The following PLXDC2 variants were observed in gnomAD, a reference collection of about 807,000 sequenced individuals.
PLXDC2 encodes plexin domain containing 2, also known as plexin domain-containing protein 2.
Under a neutral mutation model 68.9 loss-of-function variants are expected in PLXDC2, and 40 were observed. The observed-to-expected ratio is 0.58, with a 90% CI of 0.45 to 0.76. The LOEUF is 0.76. Among genes scored for constraint, PLXDC2 ranks in the 30% least tolerant of loss-of-function variants. PLXDC2 has a pLI of 0.00. For synonymous variants in PLXDC2, 243 were observed against 234.2 expected (o/e 1.04, Z -0.34); for missense variants, 644 against 661.9 (o/e 0.97, Z 0.30).
intron 1 of PLXDC2, among the ~76,000 whole-genome samples, chr10:19,989,839 C>G (rs1202534614): frequency 2.0e-5 from 3 of 150,974 alleles, no homozygotes; most frequent in Admixed American, 2.0e-4. Flanking sequence ...AACCTCCATC[C>G]CCTGGGTTTA....
chr10:20,143,453 T>C (rs1564331331), intron 5 of PLXDC2, 36 bp downstream of exon 5: 3 of 1,609,280 alleles, frequency 1.9e-6, no homozygotes, highest in Non-Finnish European at 1.7e-6. Flanking sequence ...GCTGCATGTA[T>C]ATTTTTAAAC....
chr10:20,177,590 A>T (rs10764210), intron 9 of PLXDC2, among the ~76,000 whole-genome samples, 181 bp downstream of exon 9: 2 of 151,940 alleles, frequency 1.3e-5, no homozygotes, highest in Admixed American at 1.3e-4. Context: ...CATAGCAAGA[A>T]CCTGTTTCTA....
At chr10:20,148,050 T>C in intron 6 of PLXDC2, 148 bp downstream of exon 6, 1 of 625,194 alleles carries the variant, frequency 1.6e-6, no homozygotes, top group East Asian at 2.8e-5. Flanking sequence ...AAAAATGTTT[T>C]GATTAGTTTT....
At chr10:20,229,815 G>A (rs1835336681) in intron 12 of PLXDC2, among the ~76,000 whole-genome samples, 1 of 152,106 alleles carries the variant, frequency 6.6e-6, no homozygotes, top group African/African-American at 2.4e-5. Flanking sequence ...AGTTTTGTAA[G>A]CTACTGTGAC....
intron 4 of PLXDC2, among the ~76,000 whole-genome samples, chr10:20,120,286 A>T (rs1419174740): frequency 1.3e-5 from 2 of 152,202 alleles, no homozygotes; most frequent in African/African-American, 4.8e-5. Flanking sequence ...CATTCTGAGG[A>T]CAGGTCTGAC....
chr10:20,245,138 G>A (rs1835571858), intron 12 of PLXDC2, among the ~76,000 whole-genome samples: 2 of 152,082 alleles, frequency 1.3e-5, no homozygotes, highest in Admixed American at 1.3e-4. Flanking sequence ...AAAACACAGT[G>A]ATAAATGTAT....
chr10:19,930,269 G>GTT (rs538477768), intron 1 of PLXDC2, among the ~76,000 whole-genome samples: 19 of 152,234 alleles, frequency 1.2e-4, no homozygotes, highest in African/African-American at 4.6e-4. Flanking sequence ...GGAAACAGTA[G>GTT]AACTTCAGTA....
At chr10:20,046,621 A>G (rs1223704999) in intron 2 of PLXDC2, among the ~76,000 whole-genome samples, 1 of 152,110 alleles carries the variant, frequency 6.6e-6, no homozygotes, top group Non-Finnish European at 1.5e-5. Flanking sequence ...AATGAACTAG[A>G]CAAAATTCAC....
intron 4 of PLXDC2, among the ~76,000 whole-genome samples, chr10:20,094,465 T>A (rs759961397): frequency 1.3e-5 from 2 of 152,200 alleles, no homozygotes; most frequent in Non-Finnish European, 2.9e-5. Flanking sequence ...CTCTCTGGAA[T>A]TGTGCTCTCG....
chr10:20,031,986 A>AT (rs1345348336), intron 2 of PLXDC2, among the ~76,000 whole-genome samples: 1 of 151,804 alleles, frequency 6.6e-6, no homozygotes, highest in Non-Finnish European at 1.5e-5. Flanking sequence ...CGTCCAGCTA[A>AT]TTTTTTGTAT....
At chr10:19,966,896 G>T (rs1377778264) in intron 1 of PLXDC2, among the ~76,000 whole-genome samples, 1 of 152,162 alleles carries the variant, frequency 6.6e-6, no homozygotes, top group Non-Finnish European at 1.5e-5. Context: ...GGGCTCCCAG[G>T]ACCTAGCAGT....
At chr10:19,917,308 A>G (rs572601861) in intron 1 of PLXDC2, among the ~76,000 whole-genome samples, 2 of 152,242 alleles carry the variant, frequency 1.3e-5, no homozygotes, top group East Asian at 3.9e-4. Flanking sequence ...CATTAAGGAT[A>G]TTTTATGTTC....
At chr10:20,269,930 A>C (rs543459735) in intron 13 of PLXDC2, among the ~76,000 whole-genome samples, 1 of 152,218 alleles carries the variant, frequency 6.6e-6, no homozygotes, top group Non-Finnish European at 1.5e-5. Flanking sequence ...AGGCAGGAGA[A>C]TCTCTTGAAC....
intron 12 of PLXDC2, among the ~76,000 whole-genome samples, chr10:20,227,457 G>A (rs916353387): frequency 3.3e-5 from 5 of 152,116 alleles, no homozygotes; most frequent in African/African-American, 9.7e-5. Context: ...GAAGGGGATT[G>A]ACATAGAAAG....
intron 4 of PLXDC2, 140 bp from the exon 5 acceptor site, chr10:20,143,155 A>C: frequency 4.7e-6 from 4 of 856,508 alleles, no homozygotes; most frequent in Non-Finnish European, 6.8e-6. Flanking sequence ...AGATACTAAG[A>C]TATTAAATAT....
At chr10:19,833,622 A>G (rs1387633984) in intron 1 of PLXDC2, among the ~76,000 whole-genome samples, 3 of 152,242 alleles carry the variant, frequency 2.0e-5, no homozygotes, top group Admixed American at 6.5e-5. Flanking sequence ...CTGCCGCGTC[A>G]TCTACTTTGA....
At chr10:20,165,648 A>T (rs1834365175) in intron 7 of PLXDC2, among the ~76,000 whole-genome samples, 1 of 152,222 alleles carries the variant, frequency 6.6e-6, no homozygotes, top group South Asian at 2.1e-4. Flanking sequence ...CTAAAGGAAG[A>T]TGAAAGAAAA....
rs1252447303 is a variant in PLXDC2 at position 20,082,064 on chromosome 10, C to CAAAAAA, written c.541+13832_541+13837dup. On this transcript the variant is annotated intron_variant, in intron 4 of 13. Coordinates refer to ENST00000377252, the MANE Select transcript of PLXDC2 (RefSeq NM_032812.9). ...CCATCTGAAAAAAAAAAAAAAAAAT[C>CAAAAAA]AAAAAAAAAAAACAGGAGAAGTCTG... Among the ~76,000 whole-genome samples the CAAAAAA allele has an allele frequency of 7.0e-3, 492 of 70,010 alleles. 20 individuals carry two copies. The highest frequency in any genetic ancestry group is 0.026 in the East Asian group (42 of 1,616). 45.9% of individuals were successfully genotyped at this position (70,010 alleles called of 152,430 possible).
intron 1 of PLXDC2, among the ~76,000 whole-genome samples, chr10:19,884,567 T>C (rs546334308): frequency 1.8e-4 from 26 of 147,794 alleles, no homozygotes; most frequent in African/African-American, 6.4e-4. Context: ...TGTGTTCTCA[T>C]TGTTCAATTC....
Sources: allele counts gnomAD v4.1 joint callset (sites outside exome capture counted in the v4.1 genomes callset), GRCh38; gene constraint gnomAD v4.1.1; transcripts MANE v1.5; gene names NCBI Gene and HGNC (gene_info 2026-07-23, HGNC 2026-07-21).